The following LYPD8 variants were observed in gnomAD, a reference collection of about 807,000 sequenced individuals.
LYPD8 encodes the protein LY6/PLAUR domain containing 8.
In LYPD8, 8 loss-of-function variants were observed where a neutral mutation model predicts 1.7. That is an observed-to-expected ratio of 4.58 (90% confidence interval 2.69 to 8.27). The LOEUF (loss-of-function observed/expected upper bound fraction) is 8.27. LYPD8 is among the 30% of genes most tolerant of loss of function. LYPD8 has a pLI of 0.00. For missense variants in LYPD8, 112 were observed against 102.3 expected, an observed-to-expected ratio of 1.09 and a Z score of -0.41; for synonymous variants, 50 against 43.6, an observed-to-expected ratio of 1.15 and a Z score of -0.58.
chr1:248,749,262 TTTGGCTGGGATCC>T (rs2103170812), intron 4 of LYPD8, among the ~76,000 whole-genome samples: 2 of 152,284 alleles, frequency 1.3e-5, no homozygotes, highest in East Asian at 3.9e-4. Flanking sequence ...AAATGGGGGA[TTTGGCTGGGATCC>T]TAATTTCGCA....
Position 248,745,270 on chromosome 1 carries a change from A to G in LYPD8, c.347T>C (p.Leu116Pro), listed in dbSNP as rs1662712020. Residue 116 changes from leucine to proline, a missense_variant, in exon 6 of 7, where the codon CTG (leucine) becomes CCG (proline). Leu to Pro is a moderately conservative substitution (Grantham distance 98). Coordinates refer to ENST00000590317, the MANE Select transcript of LYPD8 (RefSeq NM_001085474.2). ...CTCTGCGTTGCTGGACACGTTCTTC[A>G]GGGGAGGGTCTGGAAGAGTCAGAGT... ...SNTSDALDPPLKNVSSNAECP... is the reference protein window; with the variant it reads ...SNTSDALDPPPKNVSSNAECP... 1 of 398,480 alleles carries G rather than the reference A, an allele frequency of 2.5e-6. No homozygotes were observed. Among genetic ancestry groups the G allele is most frequent in the Admixed American group, 4.4e-5 (1 of 22,712 alleles). 24.7% of individuals were successfully genotyped at this position (398,480 alleles called of 1,614,324 possible).
At chr1:248,752,469 C>T (rs1395207274) in intron 2 of LYPD8, among the ~76,000 whole-genome samples, 1 of 151,182 alleles carries the variant, frequency 6.6e-6, no homozygotes, top group South Asian at 2.1e-4. Flanking sequence ...CCCCTACTCC[C>T]ACCTCACCAC....
intron 2 of LYPD8, among the ~76,000 whole-genome samples, chr1:248,753,405 A>ACATATACAT (rs1662864128): frequency 8.6e-6 from 1 of 115,872 alleles, no homozygotes; most frequent in African/African-American, 3.4e-5. Context: ...TACACATCAC[A>ACATATACAT]CACACACCAC....
chr1:248,752,975 A>ATCACACACACACCAAACACCC (rs1662841989), intron 2 of LYPD8, among the ~76,000 whole-genome samples: 1 of 109,892 alleles, frequency 9.1e-6, no homozygotes, highest in East Asian at 2.7e-4. Flanking sequence ...CACACAACAC[A>ATCACACACACACCAAACACCC]CACACAACAC....
intron 6 of LYPD8, among the ~76,000 whole-genome samples, chr1:248,742,291 A>G (rs1319713404): frequency 2.5e-4 from 12 of 48,828 alleles, no homozygotes; most frequent in African/African-American, 5.8e-4. Flanking sequence ...AGCGGGGGAG[A>G]TTATGCTCTG....
chr1:248,740,385 T>A lies in LYPD8; in HGVS notation c.476-536A>T, dbSNP rs35326846. On this transcript the variant is annotated intron_variant, in intron 6 of 6. Transcript: ENST00000590317. The stretch of plus-strand genomic sequence containing the variant: ...GAGGCATATAAGAGACCACGGCATG[T>A]CTCTGCCGTAAATTGGGGTTCTGCT... 3.9e-5 allele frequency among the ~76,000 whole-genome samples: 6 copies of A among 152,322 alleles called. No homozygotes were observed. The South Asian group carries it at 8.3e-4, about 21-fold the overall frequency.
chr1:248,752,194 G>C (rs1662811154), intron 2 of LYPD8, among the ~76,000 whole-genome samples: 1 of 152,034 alleles, frequency 6.6e-6, no homozygotes, highest in East Asian at 1.9e-4. Context: ...GCCACATGTG[G>C]CTGTTGGCTG....
intron 6 of LYPD8, among the ~76,000 whole-genome samples, chr1:248,741,100 C>G (rs111438691): frequency 6.6e-6 from 1 of 151,582 alleles, no homozygotes; most frequent in Non-Finnish European, 1.5e-5. Context: ...GGCGACAGAG[C>G]GAGACCCTGT....
At chr1:248,752,801 CCCA>C (rs1478841001) in intron 2 of LYPD8, among the ~76,000 whole-genome samples, 5 of 99,772 alleles carry the variant, frequency 5.0e-5, no homozygotes, top group Non-Finnish European at 9.9e-5. Flanking sequence ...CACACCACAC[CCCA>C]CAACACACAC....
intron 2 of LYPD8, among the ~76,000 whole-genome samples, chr1:248,751,658 T>C (rs2103171833): frequency 6.6e-6 from 1 of 152,200 alleles, no homozygotes; most frequent in East Asian, 1.9e-4. Flanking sequence ...AGCAGGCAGG[T>C]ATTATTATTA....
intron 2 of LYPD8, among the ~76,000 whole-genome samples, chr1:248,753,223 CACACACACACA>C (rs1662855277): frequency 1.5e-5 from 1 of 66,500 alleles, no homozygotes; most frequent in African/African-American, 5.5e-5. Context: ...CACACCACAC[CACACACACACA>C]CCACACACCC....
Position 248,745,185 on chromosome 1 carries a change from A to G in LYPD8, c.432T>C (p.Tyr144=). 1 of 398,620 alleles carries G rather than the reference A, an allele frequency of 2.5e-6. No individual in the cohort carries two copies. Among genetic ancestry groups the G allele is most frequent in the Non-Finnish European group, 4.4e-6 (1 of 226,084 alleles). 24.7% of individuals were successfully genotyped at this position (398,620 alleles called of 1,614,324 possible). The change falls in exon 6 of 7, where the codon TAT becomes TAC. Residue 144 remains tyrosine (Y), a synonymous_variant. Transcript: ENST00000590317. The part of the protein sequence containing the change: ...TSCHGKPWKC[Y]EEEQCVFLVA... ...CTAGAAAGACACACTGTTCTTCTTCATAGCATTTCCAGGGCTTCCCATGAC... is the reference window on the plus strand; with the variant it reads ...CTAGAAAGACACACTGTTCTTCTTCGTAGCATTTCCAGGGCTTCCCATGAC...
intron 2 of LYPD8, among the ~76,000 whole-genome samples, chr1:248,753,047 TCACA>T (rs1314955038): frequency 4.8e-4 from 10 of 20,786 alleles, no homozygotes; most frequent in African/African-American, 1.9e-3. Context: ...CACACACACA[TCACA>T]CACACACCCC....
chr1:248,741,803 A>T (rs1293908462), intron 6 of LYPD8, among the ~76,000 whole-genome samples: 2 of 152,228 alleles, frequency 1.3e-5, no homozygotes, highest in African/African-American at 2.4e-5. Context: ...AAATTTTAAA[A>T]GTGAAAGGAG....
intron 4 of LYPD8, among the ~76,000 whole-genome samples, chr1:248,749,600 C>G (rs1409388394): frequency 6.6e-6 from 1 of 152,044 alleles, no homozygotes; most frequent in Non-Finnish European, 1.5e-5. Flanking sequence ...GGGGCCCAGA[C>G]TCCTTTTTAT....
intron 2 of LYPD8, among the ~76,000 whole-genome samples, chr1:248,754,367 CA>C: frequency 6.6e-6 from 1 of 151,542 alleles, no homozygotes; most frequent in African/African-American, 2.4e-5. Flanking sequence ...ATACCACACA[CA>C]CGACACATCA....
intron 2 of LYPD8, among the ~76,000 whole-genome samples, chr1:248,752,807 A>ACACACCACAC: frequency 5.3e-5 from 3 of 56,404 alleles, no homozygotes; most frequent in African/African-American, 2.5e-4. Context: ...ACACCCCACA[A>ACACACCACAC]CACACACACA....
rs782599304 is a variant in LYPD8 at position 248,739,689 on chromosome 1, A to G, written c.636T>C (p.Thr212=). 55 of 1,551,736 alleles carry G rather than the reference A, an allele frequency of 3.5e-5. No homozygotes were observed. In the South Asian group the frequency reaches 5.7e-4, roughly 16 times the overall value. The change falls in exon 7 of 7, where the codon ACT becomes ACC. Residue 212 remains threonine, a synonymous_variant. Coordinates refer to ENST00000590317, the MANE Select transcript of LYPD8 (RefSeq NM_001085474.2). This position sits in a 1 kb window ranked among gnomAD's most constrained non-coding sequence, Gnocchi z 4.3. The stretch of plus-strand genomic sequence containing the variant: ...AAGCTTTGGAGCCCACGTTGTGGGA[A>G]GTGGTTGGTGCAGACGTGGGGGTTA... The part of the protein sequence containing the change: ...NSLTPTSAPT[T]SHNVGSKASL...
intron 6 of LYPD8, among the ~76,000 whole-genome samples, chr1:248,741,473 C>G (rs563779728): frequency 6.6e-6 from 1 of 152,204 alleles, no homozygotes; most frequent in Non-Finnish European, 1.5e-5. Flanking sequence ...TCTCAAAGAG[C>G]TGGGATTACA....
Sources: allele counts gnomAD v4.1 joint callset (sites outside exome capture counted in the v4.1 genomes callset), GRCh38; gene constraint gnomAD v4.1.1; non-coding constraint Gnocchi (gnomAD v3.1); transcripts MANE v1.5; gene names NCBI Gene and HGNC (gene_info 2026-07-23, HGNC 2026-07-21).